STAG1: variants seen among roughly 807,000 people sequenced by gnomAD.
STAG1 encodes cohesin subunit SA-1.
Under a neutral mutation model 170.9 loss-of-function variants are expected in STAG1, and 26 were observed. The ratio of observed to expected loss-of-function variants is 0.15; its 90% CI spans 0.11 to 0.21. STAG1 has a LOEUF of 0.21. STAG1 is among the 10% of genes least tolerant of loss of function. STAG1 has a pLI of 1.00. For missense variants in STAG1, 964 were observed against 1,509.5 expected (o/e 0.64, Z 5.99); for synonymous variants, 514 against 497.7 (o/e 1.03, Z -0.44).
intron 13 of STAG1, among the ~76,000 whole-genome samples, chr3:136,455,526 G>A (rs1312819294): frequency 1.3e-5 from 2 of 152,228 alleles, no homozygotes; most frequent in African/African-American, 2.4e-5. Flanking sequence ...ACCACTGGGA[G>A]TGCCTGGAGG....
intron 3 of STAG1, among the ~76,000 whole-genome samples, chr3:136,611,354 G>T: frequency 6.6e-6 from 1 of 152,030 alleles, no homozygotes; most frequent in African/African-American, 2.4e-5. Flanking sequence ...TCTCCATGTT[G>T]GTCAGGCTGG....
chr3:136,386,337 G>A (rs1342248566), intron 22 of STAG1, among the ~76,000 whole-genome samples: 7 of 151,682 alleles, frequency 4.6e-5, no homozygotes, highest in African/African-American at 1.7e-4. Flanking sequence ...AGACTCTGTC[G>A]CAAAAATAAA....
At chr3:136,550,998 T>C (rs1178743195) in intron 5 of STAG1, among the ~76,000 whole-genome samples, 1 of 152,162 alleles carries the variant, frequency 6.6e-6, no homozygotes. Context: ...CATGAACATC[T>C]AGATGCAAGT....
intron 32 of STAG1, among the ~76,000 whole-genome samples, chr3:136,339,625 C>T (rs1434772363): frequency 6.6e-6 from 1 of 152,092 alleles, no homozygotes; most frequent in African/African-American, 2.4e-5. Context: ...TTCTATGTAC[C>T]CATCACCCAG....
At chr3:136,422,211 C>G (rs1204975327) in intron 19 of STAG1, among the ~76,000 whole-genome samples, 199 bp downstream of exon 19, 1 of 149,014 alleles carries the variant, frequency 6.7e-6, no homozygotes, top group African/African-American at 2.5e-5. Flanking sequence ...GTTTTTATGA[C>G]AGATTTTTAG....
intron 5 of STAG1, among the ~76,000 whole-genome samples, chr3:136,550,884 C>T (rs562156845): frequency 1.3e-5 from 2 of 152,230 alleles, no homozygotes; most frequent in East Asian, 1.9e-4. Flanking sequence ...CACGGTTAGA[C>T]AGGGTTTATG....
intron 13 of STAG1, among the ~76,000 whole-genome samples, chr3:136,459,155 T>A (rs181686257): frequency 6.7e-6 from 1 of 150,084 alleles, no homozygotes; most frequent in Non-Finnish European, 1.5e-5. Flanking sequence ...GAGGTGGAGG[T>A]TGCAGTGAGC....
intron 1 of STAG1, among the ~76,000 whole-genome samples, chr3:136,715,935 T>G (rs1943530177): frequency 6.6e-6 from 1 of 150,960 alleles, no homozygotes; most frequent in African/African-American, 2.4e-5. Context: ...CTGTTTCTAC[T>G]AAAAATAAAA....
intron 6 of STAG1, among the ~76,000 whole-genome samples, chr3:136,529,329 G>T (rs1202835926): frequency 2.0e-5 from 3 of 152,106 alleles, no homozygotes; most frequent in Non-Finnish European, 2.9e-5. Flanking sequence ...CTTCTTCATG[G>T]CACGTTATAG....
At chr3:136,599,555 T>C (rs1455576275) in intron 4 of STAG1, among the ~76,000 whole-genome samples, 1 of 151,818 alleles carries the variant, frequency 6.6e-6, no homozygotes, top group African/African-American at 2.4e-5. Context: ...TAAAATAAAA[T>C]AAATCCTTCA....
intron 15 of STAG1, among the ~76,000 whole-genome samples, chr3:136,434,467 T>C (rs1408824236): frequency 6.6e-6 from 1 of 152,218 alleles, no homozygotes; most frequent in Non-Finnish European, 1.5e-5. Flanking sequence ...TTTCTATTTT[T>C]CCCTAAGATT....
intron 7 of STAG1, among the ~76,000 whole-genome samples, chr3:136,510,373 C>A (rs548411566): frequency 1.4e-5 from 2 of 148,122 alleles, no homozygotes; most frequent in African/African-American, 5.0e-5. Flanking sequence ...CACTGCAACC[C>A]CCGCCTCCCT....
intron 7 of STAG1, among the ~76,000 whole-genome samples, chr3:136,514,547 C>T (rs1414363037): frequency 3.9e-5 from 6 of 152,122 alleles, no homozygotes; most frequent in African/African-American, 7.2e-5. Context: ...TTTGACCCAG[C>T]GATCCCATTA....
intron 14 of STAG1, among the ~76,000 whole-genome samples, chr3:136,447,465 C>G (rs1251124803): frequency 2.0e-5 from 3 of 151,856 alleles, no homozygotes; most frequent in African/African-American, 2.4e-5. Context: ...GAGATTTGGT[C>G]TCCAAAAAAT....
In STAG1 at chr3:136,616,051, G is replaced by A. The variant is rs530242119; in HGVS notation, c.132+7095C>T. Among the ~76,000 whole-genome samples the A allele has an allele frequency of 5.3e-5, 8 of 152,018 alleles. No homozygotes were observed. In the South Asian group the frequency reaches 1.5e-3, roughly 28 times the overall value. ...TGGGAGGCCAAGGCGGGTGGATCAC[G>A]AGGTCAGGAGATCAAGACCATCCTG... On this transcript the variant is annotated intron_variant, in intron 3 of 33. Coordinates refer to ENST00000383202, the MANE Select transcript of STAG1 (RefSeq NM_005862.3).
chr3:136,496,355 T>C (rs1025071141), intron 9 of STAG1, among the ~76,000 whole-genome samples: 19 of 151,862 alleles, frequency 1.3e-4, no homozygotes, highest in Admixed American at 3.9e-4. Context: ...TAGAGATCTA[T>C]AGGTATCTAT....
At chr3:136,686,646 A>C (rs1446640106) in intron 1 of STAG1, among the ~76,000 whole-genome samples, 1 of 152,242 alleles carries the variant, frequency 6.6e-6, no homozygotes, top group African/African-American at 2.4e-5. Flanking sequence ...AACAGCTCTA[A>C]TCCATGAACC....
chr3:136,492,343 A>G (rs972657610), intron 9 of STAG1, among the ~76,000 whole-genome samples: 1 of 152,242 alleles, frequency 6.6e-6, no homozygotes, highest in Admixed American at 6.5e-5. Context: ...AAGAAATTAA[A>G]TAACTGTTGT....
chr3:136,426,052 T>C (rs907084778), intron 16 of STAG1, among the ~76,000 whole-genome samples: 3 of 151,496 alleles, frequency 2.0e-5, no homozygotes, highest in Non-Finnish European at 2.9e-5. Context: ...GGTTCATTTA[T>C]ATGCAGATTT....
Sources: gnomAD v4.1 joint callset for allele counts (sites outside exome capture counted in the v4.1 genomes callset) on GRCh38, gnomAD v4.1.1 for gene constraint, MANE v1.5 for transcripts, NCBI Gene and HGNC (gene_info 2026-07-23, HGNC 2026-07-21) for gene names.